SRPK2: variants seen among roughly 807,000 people sequenced by gnomAD.
The protein encoded by SRPK2 is SFRS protein kinase 2.
SRPK2 carries 21 observed loss-of-function variants against 90.8 expected under a neutral mutation model. That is an observed-to-expected ratio of 0.23 (90% confidence interval 0.16 to 0.33). SRPK2 has a LOEUF of 0.33. Among genes scored for constraint, SRPK2 ranks in the 10% least tolerant of loss-of-function variants. SRPK2 has a pLI of 1.00. For synonymous variants in SRPK2, 288 were observed against 311.1 expected (o/e 0.93, Z 0.78); for missense variants, 620 against 869.0 (o/e 0.71, Z 3.60).
chr7:105,329,585 C>A (rs1469265087), intron 2 of SRPK2, among the ~76,000 whole-genome samples: 3 of 148,586 alleles, frequency 2.0e-5, no homozygotes, highest in Non-Finnish European at 4.4e-5. Flanking sequence ...CAGAGTGAGA[C>A]TCCGTCTCAA....
chr7:105,281,059 CTTT>C (rs988088954), intron 2 of SRPK2, among the ~76,000 whole-genome samples: 1 of 143,904 alleles, frequency 6.9e-6, no homozygotes, highest in Admixed American at 7.0e-5. Context: ...TTTCTTCCTT[CTTT>C]TTTTTCTTTT....
intron 15 of SRPK2, among the ~76,000 whole-genome samples, chr7:105,122,413 A>G (rs1400844441): frequency 6.6e-6 from 1 of 152,184 alleles, no homozygotes; most frequent in Non-Finnish European, 1.5e-5. Flanking sequence ...ATAATAGCCA[A>G]AAAGTGGGGG....
intron 2 of SRPK2, among the ~76,000 whole-genome samples, chr7:105,353,937 A>G (rs1401920328): frequency 1.3e-5 from 2 of 152,148 alleles, no homozygotes; most frequent in African/African-American, 4.8e-5. Flanking sequence ...TGTTCTTATC[A>G]TAACACTCCT....
At chr7:105,338,434 T>G (rs1815370043) in intron 2 of SRPK2, among the ~76,000 whole-genome samples, 1 of 151,812 alleles carries the variant, frequency 6.6e-6, no homozygotes, top group Non-Finnish European at 1.5e-5. Context: ...TTTAGTGGAG[T>G]CGGGGTTTCA....
intron 3 of SRPK2, among the ~76,000 whole-genome samples, chr7:105,170,832 A>AAAGGAAGG (rs1168950971): frequency 1.1e-5 from 1 of 90,312 alleles, no homozygotes; most frequent in African/African-American, 4.8e-5. Context: ...AAAGAGAAAG[A>AAAGGAAGG]AAGGAAGAAA....
intron 2 of SRPK2, among the ~76,000 whole-genome samples, chr7:105,230,846 T>C (rs1000372228): frequency 6.6e-6 from 1 of 152,238 alleles, no homozygotes; most frequent in East Asian, 1.9e-4. Context: ...TAAAAAAAAG[T>C]ATACAACTAT....
At chr7:105,384,215 A>G (rs1343485030) in intron 2 of SRPK2, among the ~76,000 whole-genome samples, 3 of 152,200 alleles carry the variant, frequency 2.0e-5, no homozygotes, top group African/African-American at 7.2e-5. Context: ...ATCCCAAGCT[A>G]TGTGATGTAG....
At chr7:105,121,209 G>A (rs1467401328) in intron 15 of SRPK2, among the ~76,000 whole-genome samples, 1 of 152,018 alleles carries the variant, frequency 6.6e-6, no homozygotes, top group Non-Finnish European at 1.5e-5. Context: ...GCCAGGCGTG[G>A]TGGTGCACAC....
chr7:105,134,093 A>G (rs1221886485), intron 11 of SRPK2, among the ~76,000 whole-genome samples: 3 of 152,166 alleles, frequency 2.0e-5, no homozygotes, highest in Non-Finnish European at 2.9e-5. Context: ...TATTTACTGT[A>G]TAAGTAATTT....
In SRPK2 at chr7:105,117,757, T is replaced by A. The variant is rs953757072; in HGVS notation, c.*81A>T. On this transcript the variant is annotated 3_prime_UTR_variant, in exon 16 of 16. Transcript: ENST00000393651. ...GATGAAGCCAGCTCACTTGTAATCC[T>A]GTTAAAGAATGAGAGTCACCGTTTA... 13 of 1,451,828 alleles carry A rather than the reference T, an allele frequency of 9.0e-6. No homozygotes were observed. The highest frequency in any genetic ancestry group is 1.1e-5 in the Non-Finnish European group (12 of 1,048,326). 89.9% of individuals were successfully genotyped at this position (1,451,828 alleles called of 1,614,324 possible).
chr7:105,193,132 G>A (rs896125477), intron 3 of SRPK2, among the ~76,000 whole-genome samples: 1 of 152,130 alleles, frequency 6.6e-6, no homozygotes, highest in East Asian at 1.9e-4. Context: ...TGTCTAGAAG[G>A]ATTTTTCCGA....
intron 2 of SRPK2, among the ~76,000 whole-genome samples, chr7:105,342,673 C>T (rs1163768771): frequency 6.6e-6 from 1 of 152,156 alleles, no homozygotes; most frequent in Non-Finnish European, 1.5e-5. Context: ...TTCTCGCTCT[C>T]CTCCATGCCC....
At chr7:105,329,468 A>T (rs561300951) in intron 2 of SRPK2, among the ~76,000 whole-genome samples, 2 of 151,888 alleles carry the variant, frequency 1.3e-5, no homozygotes, top group African/African-American at 4.8e-5. Context: ...TGGTGAACGC[A>T]TGGAATCTCA....
chr7:105,319,567 T>C (rs553023683), intron 2 of SRPK2, among the ~76,000 whole-genome samples: 2 of 149,702 alleles, frequency 1.3e-5, no homozygotes, highest in East Asian at 4.0e-4. Flanking sequence ...ACTTTTTTTC[T>C]AGTTACTTTT....
chr7:105,388,979 G>T (rs1586030750), upstream of SRPK2: 1 of 1,058,932 alleles, frequency 9.4e-7, no homozygotes, highest in South Asian at 4.5e-5. Context: ...CCCCCGTCCG[G>T]CCCCGCCCCC....
chr7:105,168,204 G>T (rs1240040399), intron 4 of SRPK2, 109 bp from the exon 5 acceptor site: 1 of 850,596 alleles, frequency 1.2e-6, no homozygotes, highest in Non-Finnish European at 1.8e-6. Flanking sequence ...TCCAAAATGC[G>T]CCAAAACCTA....
chr7:105,244,738 C>T, intron 2 of SRPK2: 1 of 1,105,784 alleles, frequency 9.0e-7, no homozygotes, highest in Non-Finnish European at 1.4e-6. Context: ...ACAGCCGCCG[C>T]CGCGGGCGTC....
intron 1 of SRPK2, among the ~76,000 whole-genome samples, chr7:105,398,185 C>G (rs887441854): frequency 1.3e-5 from 2 of 152,072 alleles, no homozygotes; most frequent in African/African-American, 4.8e-5. Flanking sequence ...AAAATGTCCA[C>G]ATAGTATTAA....
intron 2 of SRPK2, among the ~76,000 whole-genome samples, chr7:105,349,911 G>A (rs1336983274): frequency 2.6e-5 from 4 of 151,648 alleles, no homozygotes; most frequent in Admixed American, 6.6e-5. Flanking sequence ...GCTAATTTTT[G>A]TATTCTTAGT....
Sources: gnomAD v4.1 joint callset for allele counts (sites outside exome capture counted in the v4.1 genomes callset) on GRCh38, gnomAD v4.1.1 for gene constraint, MANE v1.5 for transcripts, NCBI Gene and HGNC (gene_info 2026-07-23, HGNC 2026-07-21) for gene names.